PCDHGA8: variants seen among roughly 807,000 people sequenced by gnomAD.
PCDHGA8 encodes protocadherin gamma subfamily A, 8.
A neutral mutation model predicts 59.2 loss-of-function variants in PCDHGA8; 45 were observed. The observed-to-expected ratio is 0.76, with a 90% confidence interval of 0.60 to 0.98. The LOEUF (loss-of-function observed/expected upper bound fraction) is 0.98. Ranked by LOEUF, PCDHGA8 falls within the 50% of genes least tolerant of loss-of-function variation. The probability of loss-of-function intolerance (pLI) is 0.00; values close to 1 mark genes in which losing one functional copy is unlikely to be tolerated. For missense variants in PCDHGA8, 1,257 were observed against 1,196.2 expected (o/e 1.05, Z -0.75); for synonymous variants, 531 against 519.0 (o/e 1.02, Z -0.32).
intron 1 of PCDHGA8, chr5:141,416,359 A>G (rs1215806118): frequency 6.6e-6 from 1 of 152,228 alleles, no homozygotes; most frequent in Non-Finnish European, 1.5e-5. Flanking sequence ...TGAGGAGGCT[A>G]TAGAGGGTGA....
chr5:141,499,486 C>T (rs569172977), intron 2 of PCDHGA8, among the ~76,000 whole-genome samples: 3 of 152,284 alleles, frequency 2.0e-5, no homozygotes, highest in East Asian at 1.9e-4. Context: ...CCACCAACTA[C>T]AGTTTAATAT....
chr5:141,492,616 G>A (rs976681246), intron 1 of PCDHGA8, among the ~76,000 whole-genome samples: 1 of 152,252 alleles, frequency 6.6e-6, no homozygotes. Flanking sequence ...CTAAGTGCCG[G>A]GCGGGCAGGA....
In PCDHGA8 at chr5:141,422,632, G is replaced by T. The variant is rs199543811; in HGVS notation, c.2424+27395G>T. ...CTACATTCCCGAAAACAACCCCAGGGGTGCCTCCATCTTCTCAGTGACCGC... is the reference window on the plus strand; with the variant it reads ...CTACATTCCCGAAAACAACCCCAGGTGTGCCTCCATCTTCTCAGTGACCGC... On this transcript the variant is annotated intron_variant, in intron 1 of 3. Coordinates refer to ENST00000398604, the MANE Select transcript of PCDHGA8 (RefSeq NM_032088.2). 4,245 of 1,613,132 alleles carry T rather than the reference G, an allele frequency of 2.6e-3. 5 individuals carry two copies. The highest frequency in any genetic ancestry group is 3.2e-3 in the Admixed American group (193 of 59,948).
intron 1 of PCDHGA8, chr5:141,417,887 C>A: frequency 6.4e-7 from 1 of 1,564,888 alleles, no homozygotes; most frequent in Non-Finnish European, 8.7e-7. Context: ...GCAGAGGCGC[C>A]GGGCCGGCCC....
chr5:141,448,152 C>T (rs1463599948), intron 1 of PCDHGA8, among the ~76,000 whole-genome samples: 1 of 151,984 alleles, frequency 6.6e-6, no homozygotes, highest in African/African-American at 2.4e-5. Flanking sequence ...CAGACTCACC[C>T]CTGAAAGATC....
chr5:141,489,267 C>A lies in PCDHGA8; in HGVS notation c.2425-5540C>A. On this transcript the variant is annotated intron_variant, in intron 1 of 3. Transcript: ENST00000398604. This position sits in a 1 kb window ranked among gnomAD's most constrained non-coding sequence, Gnocchi z 4.5. ...TGGGGCCCAAGACACTCCCACAGCT[C>A]GCTGGGAAATGGCAAGTGCTGTGCA... is the stretch of plus-strand genomic sequence containing the variant. 1 of 1,553,300 alleles carries A rather than the reference C, an allele frequency of 6.4e-7. No homozygotes were observed. The highest frequency in any genetic ancestry group is 8.7e-7 in the Non-Finnish European group (1 of 1,149,864).
At chr5:141,398,895 A>G (rs2093721929) in intron 1 of PCDHGA8, 3 of 1,613,988 alleles carry the variant, frequency 1.9e-6, no homozygotes, top group African/African-American at 1.3e-5. Flanking sequence ...AAAACGTGCC[A>G]CCAGGCACCA....
chr5:141,434,889 A>C (rs1213631251), intron 1 of PCDHGA8, among the ~76,000 whole-genome samples: 2 of 151,512 alleles, frequency 1.3e-5, no homozygotes, highest in African/African-American at 4.8e-5. Context: ...ACAACAATCC[A>C]GTCCCCTTCC....
rs1308866536 is a variant in PCDHGA8 at position 141,464,896 on chromosome 5, GT to G, written c.2425-29910del. On this transcript the variant is annotated intron_variant, in intron 1 of 3. Coordinates refer to ENST00000398604, the MANE Select transcript of PCDHGA8 (RefSeq NM_032088.2). ...TAGGACTACAGATGGATGCCACCAT[GT>G]CCAGCTAATTTTTTTATTTTTTTGT... 2.0e-5 allele frequency among the ~76,000 whole-genome samples: 3 copies of G among 151,672 alleles called. No homozygotes were observed. The East Asian group carries it at 5.8e-4, about 30-fold the overall frequency.
chr5:141,511,560 TC>T lies in PCDHGA8; in HGVS notation c.*390del. ...CCACCCCACTCCAACAGTTCCTCTT[TC>T]CCGAGTAAGGTGGTTGGGGTGTTGA... On this transcript the variant is annotated 3_prime_UTR_variant, in exon 4 of 4. Transcript: ENST00000398604. 3.3e-6 allele frequency: 1 copy of T among 298,990 alleles called. No individual in the cohort carries two copies. The highest frequency in any genetic ancestry group is 3.7e-5 in the South Asian group (1 of 27,250). The allele number at this position is 298,990 out of a possible 1,614,324, so 18.5% of individuals were successfully genotyped here. A position where few individuals can be genotyped will look rare whatever the true frequency, so the allele number is the denominator to read the frequency against.
intron 1 of PCDHGA8, chr5:141,423,253 C>T (rs750278899): frequency 6.2e-7 from 1 of 1,613,916 alleles, no homozygotes; most frequent in Non-Finnish European, 8.5e-7. Flanking sequence ...CCTGGCGGAC[C>T]TCGGCAGCCT....
intron 1 of PCDHGA8, among the ~76,000 whole-genome samples, chr5:141,466,863 C>A (rs1409042461): frequency 1.3e-5 from 2 of 152,070 alleles, no homozygotes; most frequent in African/African-American, 4.8e-5. Context: ...ATTTTGAAAT[C>A]CACACATTTT....
chr5:141,496,795 T>C (rs886559302), intron 2 of PCDHGA8, among the ~76,000 whole-genome samples: 27 of 151,976 alleles, frequency 1.8e-4, no homozygotes, highest in Middle Eastern at 3.4e-3. Flanking sequence ...GTGCTAAACA[T>C]TGGGCTATAG....
At chr5:141,505,583 T>C (rs2099846941) in intron 3 of PCDHGA8, 102 bp downstream of exon 3, 3 of 1,583,532 alleles carry the variant, frequency 1.9e-6, no homozygotes, top group Non-Finnish European at 2.6e-6. Flanking sequence ...ACCTGTGTAG[T>C]TTCTCCAGAT....
Position 141,491,815 on chromosome 5 carries a change from C to T in PCDHGA8, c.2425-2992C>T. The T allele has an allele frequency of 6.7e-7, 1 of 1,485,264 alleles. No individual in the cohort carries two copies. Among genetic ancestry groups the T allele is most frequent in the African/African-American group, 1.4e-5 (1 of 70,622 alleles). The allele number at this position is 1,485,264 out of a possible 1,614,324, so 92.0% of individuals were successfully genotyped here. ...CCTCTCCGGCCGGCTTGGTCGCTGGCTGCGCTCCACCCGATTCTCGGGATC... is the reference window on the plus strand; with the variant it reads ...CCTCTCCGGCCGGCTTGGTCGCTGGTTGCGCTCCACCCGATTCTCGGGATC... On this transcript the variant is annotated intron_variant, in intron 1 of 3. Coordinates refer to ENST00000398604, the MANE Select transcript of PCDHGA8 (RefSeq NM_032088.2). This position sits in a 1 kb window ranked among gnomAD's most constrained non-coding sequence, Gnocchi z 6.9.
intron 1 of PCDHGA8, among the ~76,000 whole-genome samples, chr5:141,472,280 A>G (rs988007394): frequency 6.6e-6 from 1 of 152,276 alleles, no homozygotes; most frequent in African/African-American, 2.4e-5. Context: ...AGTGGCTCAC[A>G]CCTGTAATCC....
At chr5:141,461,354 C>T (rs1189322704) in intron 1 of PCDHGA8, among the ~76,000 whole-genome samples, 2 of 152,054 alleles carry the variant, frequency 1.3e-5, no homozygotes, top group Non-Finnish European at 2.9e-5. Context: ...GGTGGTAGCT[C>T]GTTGTGGTTT....
chr5:141,419,321 T>G, intron 1 of PCDHGA8: 1 of 1,613,950 alleles, frequency 6.2e-7, no homozygotes, highest in Non-Finnish European at 8.5e-7. Context: ...CGGCCGTGTC[T>G]CCTACTCTCT....
chr5:141,510,802 C>T (rs1358684730), intron 3 of PCDHGA8, 145 bp from the exon 4 acceptor site: 1 of 1,497,192 alleles, frequency 6.7e-7, no homozygotes, highest in African/African-American at 1.4e-5. Context: ...AGAGAGACTA[C>T]CTTGGTGACC....
Sources: gnomAD v4.1 joint callset for allele counts (sites outside exome capture counted in the v4.1 genomes callset) on GRCh38, gnomAD v4.1.1 for gene constraint, Gnocchi (gnomAD v3.1) non-coding constraint, MANE v1.5 for transcripts, NCBI Gene and HGNC (gene_info 2026-07-23, HGNC 2026-07-21) for gene names.